Variants in POP4 observed in about 807,000 individuals in gnomAD.
The protein encoded by POP4 is POP4 ribonuclease P/MRP subunit.
A neutral mutation model predicts 29.9 loss-of-function variants in POP4; 31 were observed. The ratio of observed to expected loss-of-function variants is 1.04; its 90% CI spans 0.78 to 1.40. The LOEUF (loss-of-function observed/expected upper bound fraction) is 1.40, where lower values mean the gene tolerates loss of function less well. Among genes scored for constraint, POP4 ranks in the 40% most tolerant of loss-of-function variants. POP4 has a pLI of 0.00. For synonymous variants in POP4, 110 were observed against 108.2 expected (o/e 1.02, Z -0.10); for missense variants, 286 against 282.7 (o/e 1.01, Z -0.08).
chr19:29,613,948 A>G lies in POP4; in HGVS notation c.502A>G (p.Ile168Val), dbSNP rs1342407767. 1 of 1,613,808 alleles carries G rather than the reference A, an allele frequency of 6.2e-7. No homozygotes were observed. Among genetic ancestry groups the G allele is most frequent in the Admixed American group, 1.7e-5 (1 of 59,924 alleles). The change falls in exon 6 of 7, where the codon ATC becomes GTC. Residue 168 changes from isoleucine to valine, a missense_variant. Physicochemically the swap from Ile to Val is conservative, Grantham distance 29. Coordinates refer to ENST00000585603, the MANE Select transcript of POP4 (RefSeq NM_006627.3). ...LQETKHIFKI[I>V]TKEDRLKVIP... Reference sequence around the variant, plus strand: ...GGAAACAAAGCACATTTTCAAAATTATCACCAAAGAAGACCGCCTGAAAGG... The same window carrying G: ...GGAAACAAAGCACATTTTCAAAATTGTCACCAAAGAAGACCGCCTGAAAGG...
At chr19:29,607,566 C>G (rs1224374871) in intron 1 of POP4, among the ~76,000 whole-genome samples, 1 of 152,196 alleles carries the variant, frequency 6.6e-6, no homozygotes. Context: ...ATTACATTTT[C>G]TAGCTATTTA....
rs552871765 is a variant in POP4 at position 29,610,545 on chromosome 19, G to T, written c.197G>T (p.Arg66Leu). The change falls in exon 3 of 7, where the codon CGC becomes CTC. Residue 66 changes from arginine to leucine, a missense_variant. By Grantham distance (102) the Arg-to-Leu change is moderately radical (BLOSUM62 -2). Coordinates refer to ENST00000585603, the MANE Select transcript of POP4 (RefSeq NM_006627.3). ...CTGGAGTACTTCACCCGCCACAAGC[G>T]CAAGGAGAAGAAGAAGAAAGCCAAA... ...VVLEYFTRHK[R>L]KEKKKKAKGL... 2.5e-6 allele frequency: 4 copies of T among 1,614,058 alleles called. No homozygotes were observed. Among genetic ancestry groups the T allele is most frequent in the Admixed American group, 1.7e-5 (1 of 60,012 alleles).
chr19:29,612,325 A>T, intron 5 of POP4, 147 bp downstream of exon 5: 9 of 776,536 alleles, frequency 1.2e-5, no homozygotes, highest in Non-Finnish European at 1.8e-5. Context: ...TCCCCACGCT[A>T]AGGGTGGGAG....
At chr19:29,608,284 T>TTTTTTG in intron 1 of POP4, among the ~76,000 whole-genome samples, 1 of 144,350 alleles carries the variant, frequency 6.9e-6, no homozygotes. Flanking sequence ...TTTTTTTTTT[T>TTTTTTG]GAGACAGAGT....
At chr19:29,610,096 T>G (rs75895080) in intron 2 of POP4, 9,398 of 362,578 alleles carry the variant, frequency 0.026, 268 homozygotes, top group South Asian at 0.079. Flanking sequence ...GATGAGAGAA[T>G]TCTTCTTCAA....
In POP4 at chr19:29,611,865, C is replaced by T. The variant is rs1971072541; in HGVS notation, c.288C>T (p.Tyr96=). 1 of 1,613,916 alleles carries T rather than the reference C, an allele frequency of 6.2e-7. No individual in the cohort carries two copies. Among genetic ancestry groups the T allele is most frequent in the Non-Finnish European group, 8.5e-7 (1 of 1,179,896 alleles). The change falls in exon 4 of 7, where the codon TAC becomes TAT. Residue 96 remains tyrosine, a synonymous_variant. Transcript: ENST00000585603. ...CCTGTTTCTGACTTTGCTGCAGATACAGCCTTTTCCTCCCTCTCCATGAAC... is the reference window on the plus strand; with the variant it reads ...CCTGTTTCTGACTTTGCTGCAGATATAGCCTTTTCCTCCCTCTCCATGAAC... ...LFDIKPEQQR[Y]SLFLPLHELW...
chr19:29,613,457 T>C (rs1324733364), intron 5 of POP4, among the ~76,000 whole-genome samples: 1 of 152,164 alleles, frequency 6.6e-6, no homozygotes, highest in East Asian at 1.9e-4. Context: ...GCTGGGCAGC[T>C]CTGCAGCCAC....
At chr19:29,613,334 A>T (rs1971092979) in intron 5 of POP4, 1 of 152,734 alleles carries the variant, frequency 6.5e-6, no homozygotes, top group African/African-American at 2.4e-5. Flanking sequence ...TCTCCTGAGG[A>T]TGGTGCAGGC....
At chr19:29,606,403 C>T (rs769092849) in intron 1 of POP4, 78 bp downstream of exon 1, 4 of 1,480,030 alleles carry the variant, frequency 2.7e-6, no homozygotes, top group Non-Finnish European at 3.6e-6. Flanking sequence ...GAAATGGGTC[C>T]GGGCTACCTG....
rs11556817 is a variant in POP4 at position 29,610,432 on chromosome 19, G to A, written c.84G>A (p.Glu28=). 33,360 of 1,575,732 alleles carry A rather than the reference G, an allele frequency of 0.021. 786 individuals carry two copies. The highest frequency in any genetic ancestry group is 0.14 in the East Asian group (6,162 of 43,298). The part of the protein sequence containing the change: ...DVQPSGAQRA[E]AFVRAFLKRS... ...AGCCTTCAGGAGCACAGCGGGCCGA[G>A]GCCTTCGTGAGGGCCTTCCTGAAGC... Residue 28 remains glutamate, a synonymous_variant, in exon 3 of 7, where the codon GAG becomes GAA. Transcript: ENST00000585603.
chr19:29,612,167 C>T lies in POP4; in HGVS notation c.413C>T (p.Ala138Val). The change falls in exon 5 of 7, where the codon GCT becomes GTT. Residue 138 changes from alanine (A) to valine (V), a missense_variant. Transcript: ENST00000585603. ...AKLLKADLHG[A>V]IISVTKSKCP... ...CTCTTAAAGGCAGATCTTCACGGGG[C>T]TATTATTTCAGGTAATTTACCTAAG... The T allele has an allele frequency of 6.2e-7, 1 of 1,609,480 alleles. No individual in the cohort carries two copies. The highest frequency in any genetic ancestry group is 8.5e-7 in the Non-Finnish European group (1 of 1,178,676).
intron 1 of POP4, 28 bp downstream of exon 1, chr19:29,606,353 G>T (rs1048765700): frequency 1.9e-6 from 3 of 1,603,346 alleles, no homozygotes; most frequent in Non-Finnish European, 2.6e-6. Flanking sequence ...GTTGGAGAGG[G>T]TTGGGGACGT....
At position 29,615,539 on chromosome 19, in the gene POP4, C is replaced by G. The variant is rs550990301; in HGVS notation, c.*159C>G. 72 of 699,210 alleles carry G rather than the reference C, an allele frequency of 1.0e-4. No homozygotes were observed. The South Asian group carries it at 1.6e-3, about 16-fold the overall frequency. 43.3% of individuals were successfully genotyped at this position (699,210 alleles called of 1,614,324 possible). A position where few individuals can be genotyped will look rare whatever the true frequency, so the allele number is the denominator to read the frequency against. On this transcript the variant is annotated 3_prime_UTR_variant, in exon 7 of 7. Transcript: ENST00000585603. ...AGGATGTTGAACAACATGGGAAGGT[C>G]GCAGCGTACTAAGTGAAGAAGTCAG...
rs975865494 is a variant in POP4 at position 29,617,086 on chromosome 19, G to C, written c.*1706G>C. ...CGCTGAGCAAATCCCTGTCTTGAGT[G>C]GGAAGTGGCATCTATTCCCCCAGCC... On this transcript the variant is annotated 3_prime_UTR_variant, in exon 7 of 7. Transcript: ENST00000585603. 6.6e-6 allele frequency: 1 copy of C among 152,210 alleles called. No individual in the cohort carries two copies. The highest frequency in any genetic ancestry group is 1.5e-5 in the Non-Finnish European group (1 of 68,052). 9.4% of individuals were successfully genotyped at this position (152,210 alleles called of 1,614,324 possible). A position where few individuals can be genotyped will look rare whatever the true frequency, so the allele number is the denominator to read the frequency against.
At chr19:29,608,601 G>A (rs1971031384) in intron 1 of POP4, 56 bp from the exon 2 acceptor site, 3 of 1,528,744 alleles carry the variant, frequency 2.0e-6, no homozygotes, top group Non-Finnish European at 2.7e-6. Flanking sequence ...GAAAAGTCTT[G>A]GGTCTTACAG....
chr19:29,615,110 G>A (rs963289539), intron 6 of POP4, 134 bp from the exon 7 acceptor site: 1 of 1,103,818 alleles, frequency 9.1e-7, no homozygotes, highest in Non-Finnish European at 1.2e-6. Context: ...CCCTCCCCTT[G>A]TGGGTTTCCC....
chr19:29,612,236 G>C (rs1311347200), intron 5 of POP4, 58 bp downstream of exon 5: 4 of 1,493,960 alleles, frequency 2.7e-6, no homozygotes, highest in Non-Finnish European at 3.6e-6. Flanking sequence ...CTGTCACTCT[G>C]TGGAGACCCA....
chr19:29,609,629 G>T (rs537308332), intron 2 of POP4, among the ~76,000 whole-genome samples: 1 of 132,778 alleles, frequency 7.5e-6, no homozygotes, highest in Non-Finnish European at 1.5e-5. Flanking sequence ...GGGTTTCTTT[G>T]TTTGTTTGTT....
At chr19:29,607,468 A>AAC (rs1491327841) in intron 1 of POP4, among the ~76,000 whole-genome samples, 3 of 3,434 alleles carry the variant, frequency 8.7e-4, no homozygotes, top group East Asian at 6.6e-3. Context: ...AACAAACAAC[A>AAC]AAAAAAAAAA....
Sources: gnomAD v4.1 joint callset for allele counts (sites outside exome capture counted in the v4.1 genomes callset) on GRCh38, gnomAD v4.1.1 for gene constraint, MANE v1.5 for transcripts, NCBI Gene and HGNC (gene_info 2026-07-23, HGNC 2026-07-21) for gene names.